VRK2: variants seen among roughly 807,000 people sequenced by gnomAD.
The protein encoded by VRK2 is serine/threonine-protein kinase VRK2.
Under a neutral mutation model 57.6 loss-of-function variants are expected in VRK2, and 60 were observed. The observed-to-expected ratio is 1.04, with a 90% CI of 0.85 to 1.29. The LOEUF (loss-of-function observed/expected upper bound fraction) is 1.29. Among genes scored for constraint, VRK2 ranks in the 50% most tolerant of loss-of-function variants. VRK2 has a pLI of 0.00. For synonymous variants in VRK2, 231 were observed against 199.2 expected, an observed-to-expected ratio of 1.16 and a Z score of -1.35; for missense variants, 705 against 588.1, an observed-to-expected ratio of 1.20 and a Z score of -2.06.
intron 2 of VRK2, among the ~76,000 whole-genome samples, chr2:58,072,754 A>T (rs1321757085): frequency 1.3e-5 from 2 of 151,770 alleles, no homozygotes; most frequent in Non-Finnish European, 2.9e-5. Context: ...TTTTGTTATT[A>T]GGGTGATGCT....
rs376454219 is a variant in VRK2, at chr2:58,139,321, G to T, written c.857-345G>T. 3.3e-5 allele frequency among the ~76,000 whole-genome samples: 5 copies of T among 152,066 alleles called. 1 individual carries two copies. Among genetic ancestry groups the T allele is most frequent in the African/African-American group, 1.2e-4 (5 of 41,500 alleles). ...AAGTTCAGCATAAAGTGTGAAGTAT[G>T]GTCAGTTGTATTATTTATGTAGTCC... On this transcript the variant is annotated intron_variant, in intron 10 of 12. Coordinates refer to ENST00000340157, the MANE Select transcript of VRK2 (RefSeq NM_006296.7).
chr2:57,937,080 G>T (rs1350526284), intron 1 of VRK2, among the ~76,000 whole-genome samples: 1 of 152,182 alleles, frequency 6.6e-6, no homozygotes, highest in East Asian at 1.9e-4. Flanking sequence ...GACCAGGCTT[G>T]TACTTCAACA....
At chr2:58,055,520 T>C (rs1266421952) in intron 2 of VRK2, among the ~76,000 whole-genome samples, 1 of 150,898 alleles carries the variant, frequency 6.6e-6, no homozygotes, top group African/African-American at 2.4e-5. Flanking sequence ...AGTATTGTAA[T>C]GAAGTTTCCA....
chr2:57,990,854 T>TACACAC (rs34097486), intron 1 of VRK2, among the ~76,000 whole-genome samples: 1 of 148,676 alleles, frequency 6.7e-6, no homozygotes, highest in Non-Finnish European at 1.5e-5. Flanking sequence ...CACACAGACA[T>TACACAC]ACACACACAC....
chr2:57,964,879 CAAAAAAAAAAAA>C (rs540446220), intron 1 of VRK2, among the ~76,000 whole-genome samples: 96 of 47,864 alleles, frequency 2.0e-3, no homozygotes, highest in South Asian at 5.7e-3. Context: ...GAATCCATCT[CAAAAAAAAAAAA>C]AAAAAAAAAA....
chr2:57,918,371 T>G (rs1670224010), intron 1 of VRK2, among the ~76,000 whole-genome samples: 1 of 152,046 alleles, frequency 6.6e-6, no homozygotes, highest in African/African-American at 2.4e-5. Context: ...AATCCTACTT[T>G]GTGCATATAA....
intron 1 of VRK2, among the ~76,000 whole-genome samples, chr2:58,015,947 C>CTT (rs568856764): frequency 6.8e-6 from 1 of 147,552 alleles, no homozygotes; most frequent in African/African-American, 2.5e-5. Flanking sequence ...TTATAGCTAG[C>CTT]TTTTTTTTTT....
At chr2:58,125,858 C>T (rs1678265961) in intron 8 of VRK2, among the ~76,000 whole-genome samples, 1 of 151,962 alleles carries the variant, frequency 6.6e-6, no homozygotes, top group African/African-American at 2.4e-5. Flanking sequence ...GAATGTATGA[C>T]ATCCTCAAAT....
rs544106410 is a variant in VRK2, at chr2:58,057,869, A to G, written c.136+8902A>G. Among the ~76,000 whole-genome samples the G allele has an allele frequency of 2.4e-4, 37 of 152,210 alleles. 1 individual carries two copies. The highest frequency in any genetic ancestry group is 2.1e-3 in the South Asian group (10 of 4,826). On this transcript the variant is annotated intron_variant, in intron 2 of 12. Coordinates refer to ENST00000340157, the MANE Select transcript of VRK2 (RefSeq NM_006296.7). ...ATTTTTTTTTTGTATCAGGCAGACA[A>G]TGTCTTCAAAGAGACAGCAGTGCTG...
chr2:57,997,150 G>A (rs1039578113), intron 1 of VRK2, among the ~76,000 whole-genome samples: 2 of 151,956 alleles, frequency 1.3e-5, no homozygotes, highest in Non-Finnish European at 2.9e-5. Flanking sequence ...ATAGATAATC[G>A]ATTTTGTCTG....
intron 7 of VRK2, among the ~76,000 whole-genome samples, chr2:58,096,256 T>C (rs1422708606): frequency 3.9e-5 from 6 of 152,104 alleles, no homozygotes; most frequent in South Asian, 2.1e-4. Flanking sequence ...GTTCTGTTTT[T>C]ATCATATTTT....
intron 6 of VRK2, 37 bp from the exon 7 acceptor site, chr2:58,089,594 T>C (rs1672091438): frequency 1.0e-5 from 14 of 1,335,822 alleles, no homozygotes; most frequent in Non-Finnish European, 1.5e-5. Context: ...GAGTTCTAAA[T>C]AGCAGTAAAC....
chr2:57,966,573 T>A (rs1395732521), intron 1 of VRK2, among the ~76,000 whole-genome samples: 2 of 152,150 alleles, frequency 1.3e-5, no homozygotes, highest in African/African-American at 4.8e-5. Context: ...TCACAAGGAA[T>A]TTTAGAAGTT....
chr2:58,156,276 A>G (rs1174749436), intron 12 of VRK2, among the ~76,000 whole-genome samples: 2 of 151,646 alleles, frequency 1.3e-5, no homozygotes, highest in Non-Finnish European at 2.9e-5. Context: ...TGGCCCATTT[A>G]TAATGTATTT....
At chr2:58,137,155 T>TATA (rs1198033223) in intron 10 of VRK2, among the ~76,000 whole-genome samples, 1 of 25,004 alleles carries the variant, frequency 4.0e-5, no homozygotes, top group Admixed American at 4.6e-4. Flanking sequence ...ATATCATGTG[T>TATA]TTATATATAT....
intron 1 of VRK2, among the ~76,000 whole-genome samples, chr2:57,991,992 G>T (rs999090693): frequency 6.6e-6 from 1 of 151,560 alleles, no homozygotes; most frequent in Non-Finnish European, 1.5e-5. Context: ...TAAAGACAAG[G>T]CCCAATGTCT....
intron 4 of VRK2, among the ~76,000 whole-genome samples, chr2:58,085,746 A>T (rs1671519038): frequency 6.6e-6 from 1 of 151,876 alleles, no homozygotes. Context: ...AATCCATTAA[A>T]CTTGATTGTT....
rs760804603 is a variant in VRK2, at chr2:58,159,345, A to G, written c.1183-4A>G. ...ACTAAACTATATATGTATTTTTTCC[A>G]TAGGAAAGCACAAGGAGAAGACAGA... On this transcript the variant is annotated splice_polypyrimidine_tract_variant and splice_region_variant and intron_variant, in intron 12 of 12. Transcript: ENST00000340157. The G allele has an allele frequency of 1.3e-6, 2 of 1,586,788 alleles. No individual in the cohort carries two copies. Among genetic ancestry groups the G allele is most frequent in the Non-Finnish European group, 8.5e-7 (1 of 1,170,510 alleles).
chr2:58,014,442 C>A (rs1169882283), intron 1 of VRK2, among the ~76,000 whole-genome samples: 1 of 152,138 alleles, frequency 6.6e-6, no homozygotes, highest in Non-Finnish European at 1.5e-5. Context: ...TTTCGTAAAA[C>A]CAGTGATCAA....
Sources: gnomAD v4.1 joint callset for allele counts (sites outside exome capture counted in the v4.1 genomes callset) on GRCh38, gnomAD v4.1.1 for gene constraint, MANE v1.5 for transcripts, NCBI Gene and HGNC (gene_info 2026-07-23, HGNC 2026-07-21) for gene names.